The following TPX2 variants were observed in gnomAD, a reference collection of about 807,000 sequenced individuals.
The protein encoded by TPX2 is TPX2 microtubule nucleation factor.
A neutral mutation model predicts 93.6 loss-of-function variants in TPX2; 21 were observed. The observed-to-expected ratio is 0.22, with a 90% CI of 0.16 to 0.32. The LOEUF (loss-of-function observed/expected upper bound fraction) is 0.32. TPX2 is among the 10% of genes least tolerant of loss of function. The pLI is 1.00. For synonymous variants in TPX2, 281 were observed against 298.3 expected, an observed-to-expected ratio of 0.94 and a Z score of 0.60; for missense variants, 776 against 871.1, an observed-to-expected ratio of 0.89 and a Z score of 1.37.
chr20:31,748,500 A>G (rs1013644552), intron 2 of TPX2, among the ~76,000 whole-genome samples: 2 of 152,190 alleles, frequency 1.3e-5, no homozygotes, highest in African/African-American at 4.8e-5. Flanking sequence ...TTATAACAGG[A>G]TTTGTAATTT....
intron 12 of TPX2, among the ~76,000 whole-genome samples, chr20:31,789,124 T>G (rs2062084820): frequency 6.6e-6 from 1 of 152,338 alleles, no homozygotes; most frequent in East Asian, 1.9e-4. Flanking sequence ...TGAGGGAGCA[T>G]CCCTCTAATA....
In TPX2 at chr20:31,760,176, C is replaced by A. The variant is rs201087567; in HGVS notation, c.226C>A (p.Pro76Thr). The change falls in exon 4 of 18, where the codon CCA becomes ACA. Residue 76 changes from proline (P) to threonine (T), a missense_variant. Pro to Thr is a conservative substitution (Grantham distance 38, BLOSUM62 -1). Coordinates refer to ENST00000300403, the MANE Select transcript of TPX2 (RefSeq NM_012112.5). ...LQQAIVTPLK[P>T]VDNTYYKEAE... ...GCAAGCTATTGTCACACCTTTGAAA[C>A]CAGGTAAGAAAACATCTTAGAAAAA... 1 of 1,613,320 alleles carries A rather than the reference C, an allele frequency of 6.2e-7. No homozygotes were observed. Among genetic ancestry groups the A allele is most frequent in the East Asian group, 2.2e-5 (1 of 44,812 alleles).
At chr20:31,795,989 T>C (rs1216375706) in intron 15 of TPX2, among the ~76,000 whole-genome samples, 1 of 152,214 alleles carries the variant, frequency 6.6e-6, no homozygotes, top group African/African-American at 2.4e-5. Context: ...TGACTGAACG[T>C]TGGTCCCCTG....
intron 12 of TPX2, among the ~76,000 whole-genome samples, chr20:31,791,546 A>G (rs2062101696): frequency 6.6e-6 from 1 of 152,206 alleles, no homozygotes; most frequent in Non-Finnish European, 1.5e-5. Context: ...TGCCTCCCAA[A>G]GTGCTGGGAT....
At chr20:31,759,872 G>C (rs2061877668) in intron 3 of TPX2, among the ~76,000 whole-genome samples, 185 bp from the exon 4 acceptor site, 1 of 151,572 alleles carries the variant, frequency 6.6e-6, no homozygotes, top group Non-Finnish European at 1.5e-5. Flanking sequence ...TTTAGTGATT[G>C]TTCTTATAGT....
intron 4 of TPX2, among the ~76,000 whole-genome samples, chr20:31,763,287 C>A (rs992538271): frequency 8.5e-5 from 13 of 152,140 alleles, no homozygotes; most frequent in Non-Finnish European, 1.6e-4. Context: ...TCAAGTGATT[C>A]TCCTGCCTCA....
chr20:31,786,684 G>A (rs982531620), intron 12 of TPX2, among the ~76,000 whole-genome samples: 3 of 152,196 alleles, frequency 2.0e-5, no homozygotes, highest in South Asian at 2.1e-4. Flanking sequence ...GATAGTAGGC[G>A]TGAGCCACTG....
chr20:31,776,047 G>C (rs989133976), intron 8 of TPX2, 59 bp downstream of exon 8: 7 of 331,404 alleles, frequency 2.1e-5, no homozygotes, highest in African/African-American at 8.5e-5. Flanking sequence ...ACTCTTGGTA[G>C]GTGTTTTTTT....
At position 31,766,660 on chromosome 20, in the gene TPX2, A is replaced by G; in HGVS notation, c.334A>G (p.Lys112Glu). The G allele has an allele frequency of 6.2e-7, 1 of 1,613,804 alleles. No homozygotes were observed. The highest frequency in any genetic ancestry group is 1.7e-4 in the Middle Eastern group (1 of 6,060). ...GGAAGTTGAGGCAGCCATATCAAGA[A>G]AAACTCCAGCCCAGCCTCAGAGGTA... ...SLEVEAAISR[K>E]TPAQPQRRSL... The change falls in exon 5 of 18, where the codon AAA becomes GAA. Residue 112 changes from lysine (K) to glutamate (E), a missense_variant. Coordinates refer to ENST00000300403, the MANE Select transcript of TPX2 (RefSeq NM_012112.5).
At chr20:31,776,856 G>A (rs2062003252) in intron 8 of TPX2, among the ~76,000 whole-genome samples, 1 of 151,898 alleles carries the variant, frequency 6.6e-6, no homozygotes, top group Non-Finnish European at 1.5e-5. Context: ...GTCTGTTCTT[G>A]GTCTTAGGGA....
intron 2 of TPX2, among the ~76,000 whole-genome samples, chr20:31,749,276 G>A (rs1280712753): frequency 6.6e-6 from 1 of 152,100 alleles, no homozygotes; most frequent in Non-Finnish European, 1.5e-5. Flanking sequence ...AATAGGCAGT[G>A]GATAAGAACA....
rs771728295 is a variant in TPX2 at position 31,783,933 on chromosome 20, G to C, written c.1413+12G>C. On this transcript the variant is annotated intron_variant, in intron 12 of 17. Transcript: ENST00000300403. ...TGGAAGATGTTGTGGTAAGGTTGAG[G>C]CTATGTGTGCTGGCAGAAGTGTACT... The C allele has an allele frequency of 1.9e-6, 3 of 1,613,140 alleles. No homozygotes were observed. Among genetic ancestry groups the C allele is most frequent in the African/African-American group, 1.3e-5 (1 of 74,872 alleles).
chr20:31,754,075 T>C (rs1264604933), intron 2 of TPX2, among the ~76,000 whole-genome samples: 4 of 151,850 alleles, frequency 2.6e-5, no homozygotes, highest in African/African-American at 9.7e-5. Flanking sequence ...TCTGAGACAC[T>C]ATAAGGACCA....
intron 12 of TPX2, 35 bp downstream of exon 12, chr20:31,783,956 A>C: frequency 6.2e-7 from 1 of 1,604,856 alleles, no homozygotes; most frequent in Non-Finnish European, 8.5e-7. Context: ...GCAGAAGTGT[A>C]CTGCTCATGA....
At chr20:31,782,697 G>A (rs2062040284) in intron 11 of TPX2, among the ~76,000 whole-genome samples, 1 of 151,974 alleles carries the variant, frequency 6.6e-6, no homozygotes, top group Admixed American at 6.6e-5. Flanking sequence ...AGACCAGCCT[G>A]GGCAACATGG....
chr20:31,797,575 G>A, intron 16 of TPX2, 60 bp downstream of exon 16: 2 of 1,455,782 alleles, frequency 1.4e-6, no homozygotes, highest in Non-Finnish European at 1.9e-6. Flanking sequence ...CCAGTGGGAT[G>A]CTGGAATTCA....
chr20:31,762,468 A>G (rs1043831130), intron 4 of TPX2, among the ~76,000 whole-genome samples: 4 of 151,736 alleles, frequency 2.6e-5, no homozygotes, highest in East Asian at 1.9e-4. Context: ...TCCTGCCCCA[A>G]CCTCCCAAGT....
chr20:31,767,174 T>G (rs992005481), intron 5 of TPX2, among the ~76,000 whole-genome samples: 1 of 152,160 alleles, frequency 6.6e-6, no homozygotes, highest in Non-Finnish European at 1.5e-5. Flanking sequence ...TGTATAACAT[T>G]TATGAGTTGT....
At chr20:31,757,073 C>G (rs759770176) in intron 2 of TPX2, among the ~76,000 whole-genome samples, 2 of 151,160 alleles carry the variant, frequency 1.3e-5, no homozygotes, top group Non-Finnish European at 2.9e-5. Context: ...AACTGTTATA[C>G]TTAGAGATAA....
Sources: allele counts gnomAD v4.1 joint callset (sites outside exome capture counted in the v4.1 genomes callset), GRCh38; gene constraint gnomAD v4.1.1; transcripts MANE v1.5; gene names NCBI Gene and HGNC (gene_info 2026-07-23, HGNC 2026-07-21).